VTCN1: variants seen among roughly 807,000 people sequenced by gnomAD.
The protein encoded by VTCN1 is V-set domain-containing T-cell activation inhibitor 1.
In VTCN1, 26 loss-of-function variants were observed where a neutral mutation model predicts 26.5. The ratio of observed to expected loss-of-function variants is 0.98; its 90% confidence interval spans 0.72 to 1.36. The LOEUF (loss-of-function observed/expected upper bound fraction) is 1.36. VTCN1 is among the 40% of genes most tolerant of loss of function. VTCN1 has a pLI of 0.00. For missense variants in VTCN1, 298 were observed against 337.7 expected (o/e 0.88, Z 0.92); for synonymous variants, 116 against 130.7 (o/e 0.89, Z 0.77).
At chr1:117,198,795 C>T (rs754950596) in intron 1 of VTCN1, among the ~76,000 whole-genome samples, 3 of 152,156 alleles carry the variant, frequency 2.0e-5, no homozygotes, top group Non-Finnish European at 4.4e-5. Context: ...CGGGGTGATC[C>T]ATTCATATCA....
intron 1 of VTCN1, among the ~76,000 whole-genome samples, chr1:117,173,825 AGGG>A (rs1258632009): frequency 2.0e-5 from 3 of 152,346 alleles, no homozygotes; most frequent in Non-Finnish European, 4.4e-5. Context: ...TGCCAAGAAG[AGGG>A]GGGACAATGG....
At chr1:117,184,901 C>CTGAG in intron 1 of VTCN1, among the ~76,000 whole-genome samples, 1 of 152,254 alleles carries the variant, frequency 6.6e-6, no homozygotes, top group South Asian at 2.1e-4. Context: ...CTGTTAGGGA[C>CTGAG]TGAGAATCCT....
chr1:117,190,672 C>G (rs1298453328), intron 1 of VTCN1, among the ~76,000 whole-genome samples: 1 of 152,138 alleles, frequency 6.6e-6, no homozygotes, highest in Non-Finnish European at 1.5e-5. Context: ...AACAGTGGAC[C>G]CTGCTGCAGA....
chr1:117,208,947 C>G (rs1649229629), intron 1 of VTCN1, among the ~76,000 whole-genome samples: 1 of 152,136 alleles, frequency 6.6e-6, no homozygotes, highest in Admixed American at 6.5e-5. Context: ...TGAATTAAGG[C>G]CATTATGACA....
chr1:117,172,493 T>C (rs1652973840), intron 1 of VTCN1: 2 of 518,588 alleles, frequency 3.9e-6, no homozygotes, highest in African/African-American at 3.8e-5. Flanking sequence ...TCTGCTGTCT[T>C]TGACTACTGA....
At position 117,146,710 on chromosome 1, in the gene VTCN1, G is replaced by C. The variant is rs1651527157; in HGVS notation, c.*45+903C>G. On this transcript the variant is annotated intron_variant, in intron 5 of 5. Transcript: ENST00000369458. The surrounding 1 kb of genome is among the most constrained non-coding windows in gnomAD (Gnocchi z 4.2). ...TAGTGGTAGGTAGTAATGGTGGGTAGGTATGCTTCTGTGACTTTGACTTCG... is the reference window on the plus strand; with the variant it reads ...TAGTGGTAGGTAGTAATGGTGGGTACGTATGCTTCTGTGACTTTGACTTCG... 6.6e-6 allele frequency among the ~76,000 whole-genome samples: 1 copy of C among 152,120 alleles called. No homozygotes were observed. The highest frequency in any genetic ancestry group is 6.5e-5 in the Admixed American group (1 of 15,268).
At chr1:117,200,030 A>G (rs1446854076) in intron 1 of VTCN1, among the ~76,000 whole-genome samples, 2 of 152,256 alleles carry the variant, frequency 1.3e-5, no homozygotes, top group Non-Finnish European at 2.9e-5. Context: ...CACACATTGT[A>G]TTAATAACTA....
At chr1:117,199,877 G>A (rs1025810475) in intron 1 of VTCN1, among the ~76,000 whole-genome samples, 13 of 151,784 alleles carry the variant, frequency 8.6e-5, no homozygotes, top group African/African-American at 2.7e-4. Flanking sequence ...CTTGTGATCC[G>A]CCCACCTCGG....
chr1:117,190,592 T>A (rs1648196297), intron 1 of VTCN1, among the ~76,000 whole-genome samples: 1 of 152,170 alleles, frequency 6.6e-6, no homozygotes. Flanking sequence ...GTATCAGCCC[T>A]ACTGACCAAA....
chr1:117,170,907 TAC>T (rs1387295265), intron 1 of VTCN1, among the ~76,000 whole-genome samples: 1 of 152,164 alleles, frequency 6.6e-6, no homozygotes, highest in Non-Finnish European at 1.5e-5. Context: ...GTTACATAGG[TAC>T]ACATGTGTCA....
intron 1 of VTCN1, among the ~76,000 whole-genome samples, chr1:117,205,043 CT>C (rs1350700012): frequency 6.8e-6 from 1 of 146,976 alleles, no homozygotes; most frequent in Non-Finnish European, 1.5e-5. Context: ...TATACGTGTC[CT>C]GTATATGTAT....
chr1:117,190,094 G>A (rs1648172553), intron 1 of VTCN1, among the ~76,000 whole-genome samples: 1 of 152,220 alleles, frequency 6.6e-6, no homozygotes, highest in African/African-American at 2.4e-5. Flanking sequence ...CAGGCCCATT[G>A]ATCTTGTTCC....
intron 2 of VTCN1, among the ~76,000 whole-genome samples, chr1:117,165,854 A>G (rs1652580247): frequency 1.3e-5 from 2 of 152,248 alleles, no homozygotes; most frequent in Non-Finnish European, 1.5e-5. Flanking sequence ...AAACCAGCTA[A>G]TATTTTATTG....
chr1:117,160,395 A>G (rs187915152), intron 2 of VTCN1, among the ~76,000 whole-genome samples: 2 of 152,248 alleles, frequency 1.3e-5, no homozygotes, highest in South Asian at 2.1e-4. Flanking sequence ...TCTACCTTTC[A>G]TCTTCGCCTC....
chr1:117,148,700 T>C (rs1281839903), intron 4 of VTCN1, among the ~76,000 whole-genome samples: 1 of 152,208 alleles, frequency 6.6e-6, no homozygotes, highest in Non-Finnish European at 1.5e-5. Context: ...TAACAGCCTC[T>C]TCCCCAGCTT....
chr1:117,204,560 T>C (rs1437023555), intron 1 of VTCN1, among the ~76,000 whole-genome samples: 1 of 152,112 alleles, frequency 6.6e-6, no homozygotes, highest in African/African-American at 2.4e-5. Context: ...CTGGGCAATA[T>C]AGGATCTTGA....
chr1:117,184,745 C>A (rs12032847), intron 1 of VTCN1, among the ~76,000 whole-genome samples: 6 of 152,076 alleles, frequency 3.9e-5, no homozygotes, highest in African/African-American at 1.5e-4. Context: ...AAGATGTTGG[C>A]TCCCTTTCCT....
chr1:117,146,785 T>C lies in VTCN1; in HGVS notation c.*45+828A>G, dbSNP rs1308004984. On this transcript the variant is annotated intron_variant, in intron 5 of 5. Coordinates refer to ENST00000369458, the MANE Select transcript of VTCN1 (RefSeq NM_024626.4). The surrounding 1 kb of genome is among the most constrained non-coding windows in gnomAD (Gnocchi z 4.2). ...TTTAGGCTCTGGAGCAAAGGAAGGC[T>C]ATGATGAAATCGTGTTTCAGAATAC... 6.6e-6 allele frequency among the ~76,000 whole-genome samples: 1 copy of C among 152,198 alleles called. No homozygotes were observed. The highest frequency in any genetic ancestry group is 1.5e-5 in the Non-Finnish European group (1 of 68,038).
intron 1 of VTCN1, among the ~76,000 whole-genome samples, chr1:117,189,168 C>T (rs1648112671): frequency 6.6e-6 from 1 of 152,160 alleles, no homozygotes; most frequent in Admixed American, 6.5e-5. Flanking sequence ...ATCAGTTCCC[C>T]CAAACTTTCC....
Sources: gnomAD v4.1 joint callset for allele counts (sites outside exome capture counted in the v4.1 genomes callset) on GRCh38, gnomAD v4.1.1 for gene constraint, Gnocchi (gnomAD v3.1) non-coding constraint, MANE v1.5 for transcripts, NCBI Gene and HGNC (gene_info 2026-07-23, HGNC 2026-07-21) for gene names.